FHIT: variants seen among roughly 807,000 people sequenced by gnomAD.
FHIT encodes the protein fragile histidine triad diadenosine triphosphatase, also known as bis(5'-adenosyl)-triphosphatase.
Under a neutral mutation model 17.9 loss-of-function variants are expected in FHIT, and 19 were observed. The observed-to-expected ratio is 1.06, with a 90% CI of 0.74 to 1.56. FHIT has a LOEUF of 1.56. Among genes scored for constraint, FHIT ranks in the 40% most tolerant of loss-of-function variants. The pLI is 0.00. For missense variants in FHIT, 248 were observed against 189.2 expected, an observed-to-expected ratio of 1.31 and a Z score of -1.82; for synonymous variants, 81 against 69.7, an observed-to-expected ratio of 1.16 and a Z score of -0.81.
chr3:59,850,642 A>G (rs776953031), intron 8 of FHIT, among the ~76,000 whole-genome samples: 5 of 152,184 alleles, frequency 3.3e-5, no homozygotes, highest in Non-Finnish European at 7.4e-5. Context: ...GGCCACCCCA[A>G]GGAACTTTAT....
intron 5 of FHIT, among the ~76,000 whole-genome samples, chr3:60,120,667 A>G (rs978742086): frequency 1.3e-5 from 2 of 152,068 alleles, no homozygotes; most frequent in African/African-American, 2.4e-5. Context: ...TGAACAGCCT[A>G]TTTTAAAATA....
chr3:59,774,651 T>C (rs1702222977), intron 8 of FHIT, among the ~76,000 whole-genome samples: 1 of 152,194 alleles, frequency 6.6e-6, no homozygotes, highest in Non-Finnish European at 1.5e-5. Context: ...CATTTTTGCT[T>C]TAACTTTTTT....
intron 7 of FHIT, among the ~76,000 whole-genome samples, chr3:59,997,310 A>G (rs1011842923): frequency 1.8e-4 from 28 of 152,198 alleles, no homozygotes; most frequent in African/African-American, 6.0e-4. Context: ...GTAGAAGAAG[A>G]AATAGAGAAT....
intron 5 of FHIT, among the ~76,000 whole-genome samples, chr3:60,368,860 TC>T (rs1700213650): frequency 6.6e-6 from 1 of 152,194 alleles, no homozygotes; most frequent in Non-Finnish European, 1.5e-5. Flanking sequence ...GTCTTTTTTT[TC>T]CTGTTTAGAT....
At chr3:60,604,995 T>C (rs1264337545) in intron 4 of FHIT, among the ~76,000 whole-genome samples, 6 of 152,146 alleles carry the variant, frequency 3.9e-5, no homozygotes, top group Non-Finnish European at 7.4e-5. Flanking sequence ...CTCTCTGTGA[T>C]TGTGATTTCT....
At chr3:60,511,577 A>T (rs185082567) in intron 5 of FHIT, among the ~76,000 whole-genome samples, 1 of 152,194 alleles carries the variant, frequency 6.6e-6, no homozygotes, top group Non-Finnish European at 1.5e-5. Context: ...AAGCACCCCC[A>T]TAGTGCTGGA....
chr3:60,558,777 A>C (rs914507699), intron 4 of FHIT, among the ~76,000 whole-genome samples: 2 of 152,130 alleles, frequency 1.3e-5, no homozygotes, highest in African/African-American at 4.8e-5. Context: ...CATTAACAGA[A>C]TCTTTTAGAT....
chr3:59,836,028 C>T (rs974701433), intron 8 of FHIT, among the ~76,000 whole-genome samples: 1 of 152,058 alleles, frequency 6.6e-6, no homozygotes, highest in African/African-American at 2.4e-5. Context: ...TTCCCTCACT[C>T]CCCATAGTAC....
chr3:60,546,590 G>A (rs1193871990), intron 4 of FHIT, among the ~76,000 whole-genome samples: 1 of 152,112 alleles, frequency 6.6e-6, no homozygotes, highest in Admixed American at 6.6e-5. Flanking sequence ...AAAGATGTAA[G>A]GACATTCCCT....
intron 8 of FHIT, among the ~76,000 whole-genome samples, chr3:59,765,510 C>A (rs1701748675): frequency 6.6e-6 from 1 of 152,196 alleles, no homozygotes; most frequent in Non-Finnish European, 1.5e-5. Context: ...GATATTTTTA[C>A]ATTAACTTGA....
chr3:60,835,950 C>A (rs570013964), intron 3 of FHIT, among the ~76,000 whole-genome samples: 1 of 152,172 alleles, frequency 6.6e-6, no homozygotes, highest in African/African-American at 2.4e-5. Context: ...TGTGTTTTTT[C>A]GTCTTTGTAG....
chr3:60,476,582 T>C (rs1003258360), intron 5 of FHIT, among the ~76,000 whole-genome samples: 9 of 152,072 alleles, frequency 5.9e-5, no homozygotes, highest in Non-Finnish European at 1.5e-5. Flanking sequence ...AGGGAAAGCT[T>C]CTCCTGAAGG....
chr3:60,112,766 T>C (rs1704733209), intron 5 of FHIT, among the ~76,000 whole-genome samples: 1 of 152,088 alleles, frequency 6.6e-6, no homozygotes, highest in African/African-American at 2.4e-5. Context: ...CCTGGGTGAG[T>C]CTTTACATAG....
intron 7 of FHIT, among the ~76,000 whole-genome samples, chr3:59,933,132 C>A (rs1706057362): frequency 1.3e-5 from 2 of 152,122 alleles, no homozygotes; most frequent in Non-Finnish European, 2.9e-5. Flanking sequence ...ACCCACTATT[C>A]TGAGGCTGTC....
At chr3:60,530,244 C>A (rs936460397) in intron 5 of FHIT, among the ~76,000 whole-genome samples, 1 of 152,020 alleles carries the variant, frequency 6.6e-6, no homozygotes, top group African/African-American at 2.4e-5. Context: ...CAGCAAGGAG[C>A]CAGAAGAGTC....
intron 3 of FHIT, among the ~76,000 whole-genome samples, chr3:60,851,883 C>G (rs1424315390): frequency 2.0e-5 from 3 of 151,844 alleles, no homozygotes; most frequent in Non-Finnish European, 4.4e-5. Context: ...TGAAAGTAGC[C>G]TTGATATAAA....
intron 1 of FHIT, among the ~76,000 whole-genome samples, chr3:61,207,101 G>A (rs1480519280): frequency 6.6e-6 from 1 of 152,154 alleles, no homozygotes; most frequent in African/African-American, 2.4e-5. Context: ...CTTTGGTTCT[G>A]TTTATATGCT....
At chr3:61,126,932 C>G (rs1374070155) in intron 2 of FHIT, among the ~76,000 whole-genome samples, 1 of 151,946 alleles carries the variant, frequency 6.6e-6, no homozygotes, top group Non-Finnish European at 1.5e-5. Flanking sequence ...CAGAGCAACC[C>G]TAAAAGGCTA....
chr3:60,367,548 C>T (rs1403027109), intron 5 of FHIT, among the ~76,000 whole-genome samples: 4 of 152,220 alleles, frequency 2.6e-5, no homozygotes, highest in Admixed American at 1.3e-4. Flanking sequence ...ACTCAAAATA[C>T]ATTTGATGTA....
Sources: gnomAD v4.1 joint callset for allele counts (sites outside exome capture counted in the v4.1 genomes callset) on GRCh38, gnomAD v4.1.1 for gene constraint, MANE v1.5 for transcripts, NCBI Gene and HGNC (gene_info 2026-07-23, HGNC 2026-07-21) for gene names.